ZMYND19: variants seen among roughly 807,000 people sequenced by gnomAD.
ZMYND19 encodes zinc finger MYND domain-containing protein 19.
ZMYND19 carries 17 observed loss-of-function variants against 32.0 expected under a neutral mutation model. The observed-to-expected ratio is 0.53, with a 90% CI of 0.36 to 0.80. The LOEUF is 0.80. Among genes scored for constraint, ZMYND19 ranks in the 30% least tolerant of loss-of-function variants. ZMYND19 has a pLI of 0.00. For synonymous variants in ZMYND19, 124 were observed against 113.6 expected (o/e 1.09, Z -0.58); for missense variants, 250 against 293.6 (o/e 0.85, Z 1.09).
chr9:137,587,016 C>G lies in ZMYND19; in HGVS notation c.310G>C (p.Val104Leu). The part of the protein sequence containing the change: ...VDNRLDNLQL[V>L]PWGWRPKAEE... ...GCCTTGGGCCGCCAGCCCCACGGCA[C>G]CAGTTGCAGGTTGTCCAGGCGATTG... The change falls in exon 4 of 6, where the codon GTG becomes CTG. Residue 104 changes from valine to leucine, a missense_variant. By Grantham distance (32) the Val-to-Leu change is conservative. Coordinates refer to ENST00000298585, the MANE Select transcript of ZMYND19 (RefSeq NM_138462.3). The G allele has an allele frequency of 6.2e-7, 1 of 1,612,536 alleles. No individual in the cohort carries two copies. The highest frequency in any genetic ancestry group is 8.5e-7 in the Non-Finnish European group (1 of 1,180,010).
rs554984484 is a variant in ZMYND19, at chr9:137,587,437, G to T, written c.218+280C>A. 15 of 345,136 alleles carry T rather than the reference G, an allele frequency of 4.3e-5. No homozygotes were observed. In the Middle Eastern group the frequency reaches 2.8e-3, roughly 65 times the overall value. 21.4% of individuals were successfully genotyped at this position (345,136 alleles called of 1,614,324 possible). Reference sequence around the variant, plus strand: ...CTGAGTGGTCCCTACCATGCACACCGGGGGGGCTCGGCAAAACCCAGCAAG... The same window carrying T: ...CTGAGTGGTCCCTACCATGCACACCTGGGGGGCTCGGCAAAACCCAGCAAG... On this transcript the variant is annotated intron_variant, in intron 3 of 5. Transcript: ENST00000298585.
chr9:137,589,831 G>A, intron 1 of ZMYND19: 1 of 985,490 alleles, frequency 1.0e-6, no homozygotes, highest in African/African-American at 1.7e-5. Flanking sequence ...AAACCGTGTG[G>A]CCGCACTGGC....
At chr9:137,585,829 C>T (rs879318915) in intron 4 of ZMYND19, among the ~76,000 whole-genome samples, 3 of 152,246 alleles carry the variant, frequency 2.0e-5, no homozygotes, top group Non-Finnish European at 4.4e-5. Flanking sequence ...TCACCAAGCC[C>T]GAAACACTAA....
chr9:137,588,331 G>A (rs573874002), intron 2 of ZMYND19, among the ~76,000 whole-genome samples: 4 of 152,356 alleles, frequency 2.6e-5, no homozygotes, highest in East Asian at 1.9e-4. Context: ...CAGGGTCTTC[G>A]AGCTAACAGA....
chr9:137,586,929 C>T lies in ZMYND19; in HGVS notation c.359+38G>A, dbSNP rs1323109869. ...TTTGGCGGTGGCCCTCCTCAAAAGGCGCCTCTGCTGGCATCGCCAGGCCCT... is the reference window on the plus strand; with the variant it reads ...TTTGGCGGTGGCCCTCCTCAAAAGGTGCCTCTGCTGGCATCGCCAGGCCCT... On this transcript the variant is annotated intron_variant, in intron 4 of 5. Transcript: ENST00000298585. 10 of 1,608,942 alleles carry T rather than the reference C, an allele frequency of 6.2e-6. No homozygotes were observed. In the South Asian group the frequency reaches 8.8e-5, roughly 14 times the overall value.
At chr9:137,587,541 C>T (rs919225326) in intron 3 of ZMYND19, 176 bp downstream of exon 3, 1 of 647,708 alleles carries the variant, frequency 1.5e-6, no homozygotes, top group Non-Finnish European at 2.7e-6. Flanking sequence ...GTTTGAAGTG[C>T]AACATACAAA....
At chr9:137,588,497 C>T (rs959257781) in intron 2 of ZMYND19, among the ~76,000 whole-genome samples, 162 bp downstream of exon 2, 12 of 152,358 alleles carry the variant, frequency 7.9e-5, no homozygotes, top group African/African-American at 2.4e-4. Flanking sequence ...TGCAGGGCCA[C>T]GGCTCGAAGT....
At position 137,588,655 on chromosome 9, in the gene ZMYND19, T is replaced by C. The variant is rs745831717; in HGVS notation, c.111+4A>G. ...CAGGGGAGGGAACAGCCATCCTTACTTACCTCAAAGGAGTAGCTCTCCACC... is the reference window on the plus strand; with the variant it reads ...CAGGGGAGGGAACAGCCATCCTTACCTACCTCAAAGGAGTAGCTCTCCACC... On this transcript the variant is annotated splice_donor_region_variant and intron_variant, in intron 2 of 5. Coordinates refer to ENST00000298585, the MANE Select transcript of ZMYND19 (RefSeq NM_138462.3). 2.5e-6 allele frequency: 4 copies of C among 1,614,118 alleles called. No homozygotes were observed. In the South Asian group the frequency reaches 4.4e-5, roughly 18 times the overall value.
chr9:137,587,283 A>C (rs1842216607), intron 3 of ZMYND19, 176 bp from the exon 4 acceptor site: 1 of 1,055,174 alleles, frequency 9.5e-7, no homozygotes, highest in Non-Finnish European at 1.3e-6. Flanking sequence ...AGAGAAACCC[A>C]AGCACCTGAT....
At chr9:137,583,229 G>A (rs1002544519) in intron 4 of ZMYND19, 66 bp from the exon 5 acceptor site, 2 of 1,557,002 alleles carry the variant, frequency 1.3e-6, no homozygotes, top group African/African-American at 2.7e-5. Context: ...AGCAGACGAT[G>A]CAATGACTCC....
chr9:137,589,442 C>A (rs1281333096), intron 1 of ZMYND19: 1 of 985,360 alleles, frequency 1.0e-6, no homozygotes, highest in Non-Finnish European at 1.2e-6. Flanking sequence ...CTCTCTCCCA[C>A]CAAAAGCCGC....
rs1470785928 is a variant in ZMYND19 at position 137,587,495 on chromosome 9, G to T, written c.218+222C>A. ...ACCACCGTCCCTCCAGAGGCTGCCG[G>T]TCCTGGGCAAGCTCCCAGCAGAAAG... On this transcript the variant is annotated intron_variant, in intron 3 of 5. Transcript: ENST00000298585. 5 of 607,208 alleles carry T rather than the reference G, an allele frequency of 8.2e-6. No homozygotes were observed. The South Asian group carries it at 9.9e-5, about 12-fold the overall frequency. The allele number at this position is 607,208 out of a possible 1,614,324, so 37.6% of individuals were successfully genotyped here.
chr9:137,588,948 T>C, intron 1 of ZMYND19: 1 of 531,292 alleles, frequency 1.9e-6, no homozygotes, highest in South Asian at 2.3e-5. Context: ...AGCTGCCCAC[T>C]TTAGTCTGCG....
intron 4 of ZMYND19, among the ~76,000 whole-genome samples, chr9:137,584,880 C>T (rs1842186738): frequency 6.6e-6 from 1 of 152,188 alleles, no homozygotes; most frequent in Admixed American, 6.5e-5. Flanking sequence ...GCAGCAGCAT[C>T]CCTGGCTCTC....
rs1564491592 is a variant in ZMYND19, at chr9:137,587,788, A to G, written c.147T>C (p.Ala49=). Residue 49 remains alanine, a synonymous_variant, in exon 3 of 6, where the codon GCT becomes GCC. Transcript: ENST00000298585. ...TGTCAAAGGCATAGGCAAATATCTTAGCACCATTTCCATCTGCATCCACTT... is the reference window on the plus strand; with the variant it reads ...TGTCAAAGGCATAGGCAAATATCTTGGCACCATTTCCATCTGCATCCACTT... The part of the protein sequence containing the change: ...RMEVDADGNG[A]KIFAYAFDKN... 4 of 1,614,192 alleles carry G rather than the reference A, an allele frequency of 2.5e-6. No homozygotes were observed. In the Admixed American group the frequency reaches 5.0e-5, roughly 20 times the overall value.
chr9:137,590,225 C>T lies in ZMYND19; in HGVS notation c.39G>A (p.Arg13=). The T allele has an allele frequency of 8.8e-7, 1 of 1,140,060 alleles. No homozygotes were observed. Among genetic ancestry groups the T allele is most frequent in the South Asian group, 1.9e-5 (1 of 51,586 alleles). 70.6% of individuals were successfully genotyped at this position (1,140,060 alleles called of 1,614,324 possible). A position where few individuals can be genotyped will look rare whatever the true frequency, so the allele number is the denominator to read the frequency against. Residue 13 remains arginine (R), a synonymous_variant, in exon 1 of 6, where the codon CGG becomes CGA. Transcript: ENST00000298585. This position sits in a 1 kb window ranked among gnomAD's most constrained non-coding sequence, Gnocchi z 4.2. ...DFKLGIVRLG[R]VAGKTKYTLI... is the part of the protein sequence containing the mutation. ...CCGCGCCGCTCACCTTCCCGGCCACCCGGCCGAGCCGCACGATACCCAATT... is the reference window on the plus strand; with the variant it reads ...CCGCGCCGCTCACCTTCCCGGCCACTCGGCCGAGCCGCACGATACCCAATT...
chr9:137,589,487 G>A (rs1284624401), intron 1 of ZMYND19: 1 of 985,478 alleles, frequency 1.0e-6, no homozygotes, highest in East Asian at 1.1e-4. Flanking sequence ...TCCCATCCGG[G>A]TAAGGACCCT....
At chr9:137,585,477 C>T (rs981531759) in intron 4 of ZMYND19, among the ~76,000 whole-genome samples, 1 of 148,972 alleles carries the variant, frequency 6.7e-6, no homozygotes, top group Non-Finnish European at 1.5e-5. Flanking sequence ...AGTTCAAGAA[C>T]AGCCTGGGCA....
rs1842157433 is a variant in ZMYND19, at chr9:137,582,474, C to T, written c.*69G>A. 2.6e-6 allele frequency: 4 copies of T among 1,546,420 alleles called. No individual in the cohort carries two copies. The Admixed American group carries it at 5.7e-5, about 22-fold the overall frequency. On this transcript the variant is annotated 3_prime_UTR_variant, in exon 6 of 6. Transcript: ENST00000298585. Reference sequence around the variant, plus strand: ...CTTTTTTGGCACCTCCAGGTTCAACCACCAGTCTGTCTCTGCTGTGCCCAG... The same window carrying T: ...CTTTTTTGGCACCTCCAGGTTCAACTACCAGTCTGTCTCTGCTGTGCCCAG...
Sources: gnomAD v4.1 joint callset for allele counts (sites outside exome capture counted in the v4.1 genomes callset) on GRCh38, gnomAD v4.1.1 for gene constraint, Gnocchi (gnomAD v3.1) non-coding constraint, MANE v1.5 for transcripts, NCBI Gene and HGNC (gene_info 2026-07-23, HGNC 2026-07-21) for gene names.